The following TUBGCP6 variants were observed in gnomAD, a reference collection of about 807,000 sequenced individuals.
The protein encoded by TUBGCP6 is gamma-tubulin complex component 6.
TUBGCP6 carries 161 observed loss-of-function variants against 175.8 expected under a neutral mutation model. The ratio of observed to expected loss-of-function variants is 0.92; its 90% CI spans 0.81 to 1.04. TUBGCP6 has a LOEUF of 1.04. Among genes scored for constraint, TUBGCP6 ranks in the 50% least tolerant of loss-of-function variants. TUBGCP6 has a pLI of 0.00. For synonymous variants in TUBGCP6, 1,173 were observed against 1,030.5 expected, an observed-to-expected ratio of 1.14 and a Z score of -2.65; for missense variants, 2,572 against 2,433.0, an observed-to-expected ratio of 1.06 and a Z score of -1.20.
chr22:50,229,512 G>A lies in TUBGCP6; in HGVS notation c.1182C>T (p.Ser394=), dbSNP rs1280858082. The part of the protein sequence containing the change: ...HVSGASPESI[S]SLLSEVAEYG... ...ACTCGGCCACTTCCGAGAGCAGGCTGCTGATGCTCTCGGGAGACGCTCCTG... is the reference window on the plus strand; with the variant it reads ...ACTCGGCCACTTCCGAGAGCAGGCTACTGATGCTCTCGGGAGACGCTCCTG... The change falls in exon 4 of 25, where the codon AGC becomes AGT. Residue 394 remains serine, a synonymous_variant. Coordinates refer to ENST00000248846, the MANE Select transcript of TUBGCP6 (RefSeq NM_020461.4). 6.2e-7 allele frequency: 1 copy of A among 1,609,656 alleles called. No individual in the cohort carries two copies. Among genetic ancestry groups the A allele is most frequent in the Admixed American group, 1.7e-5 (1 of 59,476 alleles).
intron 2 of TUBGCP6, 147 bp downstream of exon 2, chr22:50,240,057 C>G: frequency 9.1e-7 from 1 of 1,102,836 alleles, no homozygotes; most frequent in Non-Finnish European, 1.3e-6. Flanking sequence ...TCCCAGGACT[C>G]AGTCAATTTT....
chr22:50,232,525 C>G (rs1601598946), intron 3 of TUBGCP6, among the ~76,000 whole-genome samples: 2 of 151,980 alleles, frequency 1.3e-5, no homozygotes, highest in Non-Finnish European at 1.5e-5. Context: ...TGCCACTGCA[C>G]TCCAGCCTGG....
rs2064875499 is a variant in TUBGCP6, at chr22:50,243,654, A to AAG, written c.741+64_741+65insCT. On this transcript the variant is annotated intron_variant, in intron 1 of 24. Transcript: ENST00000248846. ...AAAAAAGAAGAAGAAGAAGAAGAAG[A>AAG]AAGGTCACAGGAAGCATTTTCCAAA... 1.9e-5 allele frequency: 26 copies of AAG among 1,382,670 alleles called. No individual in the cohort carries two copies. In the African/African-American group the frequency reaches 2.7e-4, roughly 14 times the overall value. The allele number at this position is 1,382,670 out of a possible 1,614,324, so 85.7% of individuals were successfully genotyped here.
chr22:50,236,161 A>C (rs2064776395), intron 2 of TUBGCP6, among the ~76,000 whole-genome samples: 1 of 151,554 alleles, frequency 6.6e-6, no homozygotes, highest in Admixed American at 6.6e-5. Context: ...TTTGAGACGG[A>C]GTCTCGCTCT....
chr22:50,222,059 G>A lies in TUBGCP6; in HGVS notation c.2453C>T (p.Pro818Leu), dbSNP rs776742469. Residue 818 changes from proline to leucine, a missense_variant, in exon 15 of 25, where the codon CCG (proline) becomes CTG (leucine). Pro to Leu is a moderately conservative substitution (Grantham distance 98). Transcript: ENST00000248846. Reference protein sequence around the residue: ...AVSEAHQPQEPPDVLLSVHPQ... With the variant: ...AVSEAHQPQELPDVLLSVHPQ... ...GTGCACGCTCAAGAGGACGTCTGGC[G>A]GCTCCTGGGGCTGGTGAGCCTCAGA... 44 of 1,613,724 alleles carry A rather than the reference G, an allele frequency of 2.7e-5. No individual in the cohort carries two copies. The highest frequency in any genetic ancestry group is 6.7e-5 in the Admixed American group (4 of 60,000).
chr22:50,231,647 C>T (rs2064694304), intron 3 of TUBGCP6, among the ~76,000 whole-genome samples: 1 of 151,804 alleles, frequency 6.6e-6, no homozygotes, highest in Admixed American at 6.6e-5. Flanking sequence ...ATCACAATGT[C>T]AGGAGATCAA....
In TUBGCP6 at chr22:50,225,855, GCA is replaced by G; in HGVS notation, c.1920_1921del (p.Ala641ArgfsTer48). The G allele has an allele frequency of 6.2e-7, 1 of 1,613,890 alleles. No individual in the cohort carries two copies. Among genetic ancestry groups the G allele is most frequent in the Non-Finnish European group, 8.5e-7 (1 of 1,179,984 alleles). ...CCTCTCCATGCGCCCAACGTAGACG[GCA>G]CAGTCCTTCTCAATCTCCTTCAACT... On this transcript the variant is annotated frameshift_variant, in exon 10 of 25. Coordinates refer to ENST00000248846, the MANE Select transcript of TUBGCP6 (RefSeq NM_020461.4). LOFTEE classifies it high-confidence loss of function.
At chr22:50,238,153 G>GAC (rs1569125273) in intron 2 of TUBGCP6, among the ~76,000 whole-genome samples, 54 of 150,904 alleles carry the variant, frequency 3.6e-4, no homozygotes, top group African/African-American at 1.3e-3. Context: ...GAGAGAGAGA[G>GAC]AGAGACAGAC....
In TUBGCP6 at chr22:50,219,441, G is replaced by C; in HGVS notation, c.4331C>G (p.Ala1444Gly). Reference sequence around the variant, plus strand: ...GGGAAGCACGGGGCGCAAAAGATGAGCAATGGGCGGCTCGGCTGCGGGAGA... The same window carrying C: ...GGGAAGCACGGGGCGCAAAAGATGACCAATGGGCGGCTCGGCTGCGGGAGA... ...SYESMSEPPI[A>G]HLLRPVLPRA... The change falls in exon 19 of 25, where the codon GCT becomes GGT. Residue 1444 changes from alanine (A) to glycine (G), a missense_variant. Ala to Gly is a moderately conservative substitution (Grantham distance 60). Coordinates refer to ENST00000248846, the MANE Select transcript of TUBGCP6 (RefSeq NM_020461.4). 11 of 1,574,194 alleles carry C rather than the reference G, an allele frequency of 7.0e-6. No homozygotes were observed. Among genetic ancestry groups the C allele is most frequent in the Non-Finnish European group, 9.5e-6 (11 of 1,161,056 alleles).
chr22:50,226,441 CAGTGAGGGGT>C, intron 7 of TUBGCP6, 63 bp from the exon 8 acceptor site: 1 of 1,464,306 alleles, frequency 6.8e-7, no homozygotes, highest in East Asian at 2.5e-5. Flanking sequence ...GCGTGGCTGT[CAGTGAGGGGT>C]GGGACAGGGG....
chr22:50,227,970 G>T lies in TUBGCP6; in HGVS notation c.1349C>A (p.Thr450Asn). 1 of 1,572,210 alleles carries T rather than the reference G, an allele frequency of 6.4e-7. No homozygotes were observed. The highest frequency in any genetic ancestry group is 8.6e-7 in the Non-Finnish European group (1 of 1,158,584). The change falls in exon 5 of 25, where the codon ACT becomes AAT. Residue 450 changes from threonine (T) to asparagine (N), a missense_variant. Transcript: ENST00000248846. ...GGTGAGGAGGCTCAGGGTGGGCGGA[G>T]TGGAAAGGACGCAGGCCCGGTAATA... ...LQYYRACVLS[T>N]PPTLSLLTIG...
chr22:50,219,538 T>A, intron 18 of TUBGCP6, 82 bp from the exon 19 acceptor site: 1 of 1,585,194 alleles, frequency 6.3e-7, no homozygotes, highest in Non-Finnish European at 8.6e-7. Flanking sequence ...GAGCACGTGC[T>A]GGGAACTGGC....
Position 50,219,174 on chromosome 22 carries a change from A to T in TUBGCP6, c.4520T>A (p.Phe1507Tyr), listed in dbSNP as rs146136859. The T allele has an allele frequency of 1.4e-4, 224 of 1,612,156 alleles. No individual in the cohort carries two copies. Among genetic ancestry groups the T allele is most frequent in the South Asian group, 2.4e-4 (22 of 91,062 alleles). ...CGCCTCCAGGTGCAGCTCCACGAAGAAGTAGTCGACAGCGGCCTTGTTCAC... is the reference window on the plus strand; with the variant it reads ...CGCCTCCAGGTGCAGCTCCACGAAGTAGTAGTCGACAGCGGCCTTGTTCAC... ...SLVNKAAVDY[F>Y]FVELHLEAHY... is the part of the protein sequence containing the mutation. The change falls in exon 20 of 25, where the codon TTC becomes TAC. Residue 1507 changes from phenylalanine (F) to tyrosine (Y), a missense_variant. Transcript: ENST00000248846.
At position 50,219,346 on chromosome 22, in the gene TUBGCP6, C is replaced by T. The variant is rs768551166; in HGVS notation, c.4426G>A (p.Glu1476Lys). ...AADETAVQLS[E>K]LLTLPVLMKR... ...ATGAGCACGGGCAGCGTCAGCAACT[C>T]GCTCAGCTGCACAGCAGTCTCATCA... Residue 1476 changes from glutamate to lysine, a missense_variant, in exon 19 of 25, where the codon GAG becomes AAG. Physicochemically the swap from Glu to Lys is moderately conservative, Grantham distance 56. Coordinates refer to ENST00000248846, the MANE Select transcript of TUBGCP6 (RefSeq NM_020461.4). 30 of 1,594,394 alleles carry T rather than the reference C, an allele frequency of 1.9e-5. No individual in the cohort carries two copies. The highest frequency in any genetic ancestry group is 9.0e-5 in the Admixed American group (5 of 55,342).
intron 1 of TUBGCP6, among the ~76,000 whole-genome samples, chr22:50,241,744 T>C (rs1373248255): frequency 6.6e-6 from 1 of 152,142 alleles, no homozygotes; most frequent in East Asian, 1.9e-4. Flanking sequence ...TACCTATCAT[T>C]GGAGATGACT....
At position 50,229,467 on chromosome 22, in the gene TUBGCP6, G is replaced by C. The variant is rs2147194214; in HGVS notation, c.1227C>G (p.Arg409=). 1 of 1,613,268 alleles carries C rather than the reference G, an allele frequency of 6.2e-7. No individual in the cohort carries two copies. Among genetic ancestry groups the C allele is most frequent in the Non-Finnish European group, 8.5e-7 (1 of 1,179,810 alleles). The change falls in exon 4 of 25, where the codon CGC becomes CGG. Residue 409 remains arginine, a synonymous_variant. Coordinates refer to ENST00000248846, the MANE Select transcript of TUBGCP6 (RefSeq NM_020461.4). The part of the protein sequence containing the change: ...EVAEYGTCYT[R]LSHFSLQPVL... ...CGGGCTGCAGAGAGAAATGACTCAG[G>C]CGCGTGTAGCAGGTCCCATACTCGG...
chr22:50,222,421 G>C, intron 14 of TUBGCP6, 33 bp downstream of exon 14: 1 of 1,611,556 alleles, frequency 6.2e-7, no homozygotes, highest in African/African-American at 1.3e-5. Flanking sequence ...CAAAGCCCAG[G>C]GGAAGAGCTG....
intron 10 of TUBGCP6, among the ~76,000 whole-genome samples, chr22:50,225,436 CTG>C (rs2147186743): frequency 6.6e-6 from 1 of 152,316 alleles, no homozygotes; most frequent in East Asian, 1.9e-4. Flanking sequence ...CCAGGACTGT[CTG>C]TCCACAGCTG....
intron 2 of TUBGCP6, among the ~76,000 whole-genome samples, chr22:50,237,950 C>T (rs1214365109): frequency 1.3e-5 from 2 of 152,118 alleles, no homozygotes; most frequent in African/African-American, 4.8e-5. Flanking sequence ...TGGAGAAACA[C>T]CATCTCTACT....
Sources: gnomAD v4.1 joint callset for allele counts (sites outside exome capture counted in the v4.1 genomes callset) on GRCh38, gnomAD v4.1.1 for gene constraint, MANE v1.5 for transcripts, NCBI Gene and HGNC (gene_info 2026-07-23, HGNC 2026-07-21) for gene names.